CCNL2: variants seen among roughly 807,000 people sequenced by gnomAD.
CCNL2 encodes cyclin-L2.
A neutral mutation model predicts 59.1 loss-of-function variants in CCNL2; 28 were observed. That is an observed-to-expected ratio of 0.47 (90% CI 0.35 to 0.65). CCNL2 has a LOEUF of 0.65. CCNL2 is among the 30% of genes least tolerant of loss of function. The pLI is 0.00. For synonymous variants in CCNL2, 342 were observed against 288.6 expected, an observed-to-expected ratio of 1.19 and a Z score of -1.88; for missense variants, 714 against 717.4, an observed-to-expected ratio of 1.00 and a Z score of 0.05.
In CCNL2 at chr1:1,399,330, G is replaced by C. The variant is rs1287749356; in HGVS notation, c.-24C>G. 2.1e-6 allele frequency: 3 copies of C among 1,431,062 alleles called. No individual in the cohort carries two copies. In the Admixed American group the frequency reaches 9.1e-5, roughly 43 times the overall value. The allele number at this position is 1,431,062 out of a possible 1,614,324, so 88.6% of individuals were successfully genotyped here. On this transcript the variant is annotated 5_prime_UTR_variant, in exon 1 of 11. Transcript: ENST00000400809. Reference sequence around the variant, plus strand: ...ATTTTGTGCCGCCGACTCCCCTTCGGCTTCTTCCCTCAGGGCGGCTCCTCG... The same window carrying C: ...ATTTTGTGCCGCCGACTCCCCTTCGCCTTCTTCCCTCAGGGCGGCTCCTCG...
At chr1:1,392,982 T>C in intron 5 of CCNL2, 1 of 668,036 alleles carries the variant, frequency 1.5e-6, no homozygotes. Context: ...GGTTCCTTTC[T>C]AGCACATGCA....
intron 5 of CCNL2, chr1:1,393,160 AG>A (rs1644839838): frequency 3.4e-6 from 2 of 587,398 alleles, no homozygotes; most frequent in Non-Finnish European, 6.1e-6. Flanking sequence ...TGCTCTCTTC[AG>A]GGTGGGGGAC....
intron 8 of CCNL2, chr1:1,388,583 C>A (rs113604022): frequency 0.15 from 31,544 of 206,438 alleles, 1,041 homozygotes; most frequent in Admixed American, 0.23. Context: ...CTCTCTCTCT[C>A]TATATATATA....
In CCNL2 at chr1:1,399,091, G is replaced by A. The variant is rs141133034; in HGVS notation, c.216C>T (p.Asp72=). 87 of 1,611,672 alleles carry A rather than the reference G, an allele frequency of 5.4e-5. No homozygotes were observed. The highest frequency in any genetic ancestry group is 6.4e-5 in the Non-Finnish European group (76 of 1,179,422). ...CCACCACGCGGAGGTCGGTCTCTGT[G>A]TCGGTGTCGAGGCCGCTCGACATGG... ...TPSMSSGLDT[D]TETDLRVVGC... Residue 72 remains aspartate (D), a synonymous_variant, in exon 1 of 11, where the codon GAC becomes GAT. Transcript: ENST00000400809.
rs1569869127 is a variant in CCNL2 at position 1,387,120 on chromosome 1, T to C, written c.*111A>G. On this transcript the variant is annotated 3_prime_UTR_variant, in exon 11 of 11. Coordinates refer to ENST00000400809, the MANE Select transcript of CCNL2 (RefSeq NM_030937.6). The stretch of plus-strand genomic sequence containing the variant: ...AAAAAGAATCCTGTTCTAGGACCAC[T>C]TGCGCTGAGAGCACACCCGGGGGTC... 1.5e-5 allele frequency: 12 copies of C among 799,938 alleles called. No homozygotes were observed. Among genetic ancestry groups the C allele is most frequent in the Admixed American group, 2.5e-5 (1 of 40,630 alleles). The allele number at this position is 799,938 out of a possible 1,614,324, so 49.6% of individuals were successfully genotyped here.
Position 1,387,849 on chromosome 1 carries a change from C to A in CCNL2, c.1139G>T (p.Ser380Ile), listed in dbSNP as rs1644540825. The A allele has an allele frequency of 6.2e-7, 1 of 1,613,688 alleles. No individual in the cohort carries two copies. Among genetic ancestry groups the A allele is most frequent in the East Asian group, 2.2e-5 (1 of 44,898 alleles). Residue 380 changes from serine (S) to isoleucine (I), a missense_variant, in exon 10 of 11, where the codon AGT becomes ATT. This residue lies in a region of CCNL2 where 403 missense variants were observed against 377.7 expected (regional missense o/e 1.07). Coordinates refer to ENST00000400809, the MANE Select transcript of CCNL2 (RefSeq NM_030937.6). ...CTCACGGCTCCGGCTCCGACTCCGA[C>A]TCTCTCGCCCCTTTGGCAAGCTGTG... ...PVNGLPKGRE[S>I]RSRSRSREQS...
At chr1:1,397,419 C>T (rs899064703) in intron 3 of CCNL2, among the ~76,000 whole-genome samples, 3 of 152,148 alleles carry the variant, frequency 2.0e-5, no homozygotes, top group African/African-American at 7.2e-5. Flanking sequence ...TTCAGTCTCC[C>T]AAGTGCTGAG....
chr1:1,398,106 C>T (rs1165861431), intron 3 of CCNL2, 127 bp downstream of exon 3: 1 of 853,818 alleles, frequency 1.2e-6, no homozygotes, highest in Non-Finnish European at 1.8e-6. Context: ...CTTGAGACTG[C>T]GCTCATGAAT....
At chr1:1,396,989 C>T (rs2100350323) in intron 3 of CCNL2, among the ~76,000 whole-genome samples, 1 of 152,220 alleles carries the variant, frequency 6.6e-6, no homozygotes, top group African/African-American at 2.4e-5. Flanking sequence ...CCTCGTGATC[C>T]ACCCGCCTCG....
chr1:1,394,841 G>A (rs1644932730), intron 4 of CCNL2, among the ~76,000 whole-genome samples: 1 of 150,544 alleles, frequency 6.6e-6, no homozygotes, highest in East Asian at 2.0e-4. Context: ...GGAGGATCAC[G>A]AGGGCAAGAG....
chr1:1,394,333 C>T (rs998546169), intron 4 of CCNL2, among the ~76,000 whole-genome samples: 3 of 152,136 alleles, frequency 2.0e-5, no homozygotes, highest in Non-Finnish European at 2.9e-5. Context: ...GACCGTGTCA[C>T]GGCCATGGTC....
intron 2 of CCNL2, 67 bp from the exon 3 acceptor site, chr1:1,398,409 G>A (rs1645169167): frequency 2.5e-6 from 4 of 1,608,730 alleles, no homozygotes; most frequent in African/African-American, 1.3e-5. Flanking sequence ...GGCCGCCAAA[G>A]GCTTGAGGGC....
Position 1,399,013 on chromosome 1 carries a change from C to A in CCNL2, c.288+6G>T. 1 of 1,592,558 alleles carries A rather than the reference C, an allele frequency of 6.3e-7. No individual in the cohort carries two copies. The highest frequency in any genetic ancestry group is 8.5e-7 in the Non-Finnish European group (1 of 1,171,832). On this transcript the variant is annotated splice_donor_region_variant and intron_variant, in intron 1 of 10. Transcript: ENST00000400809. ...CTGGGCCGGAGGCTCGCGGCCGCGC[C>A]CTCACCTGCGGCAGGCGGAGCAGGA...
intron 1 of CCNL2, 171 bp from the exon 2 acceptor site, chr1:1,398,842 C>T: frequency 1.6e-6 from 2 of 1,243,412 alleles, no homozygotes; most frequent in Non-Finnish European, 2.1e-6. Context: ...CACTGGCGGG[C>T]GGGGAGGCCC....
At chr1:1,388,159 A>C in intron 8 of CCNL2, 94 bp from the exon 9 acceptor site, 3 of 953,530 alleles carry the variant, frequency 3.1e-6, no homozygotes, top group Non-Finnish European at 4.9e-6. Context: ...TCTACAGGTC[A>C]AACAGCGACG....
rs1644463263 is a variant in CCNL2 at position 1,386,549 on chromosome 1, C to G, written c.*682G>C. The G allele has an allele frequency of 6.6e-6, 1 of 152,604 alleles. No homozygotes were observed. The highest frequency in any genetic ancestry group is 1.5e-5 in the Non-Finnish European group (1 of 68,032). 9.5% of individuals were successfully genotyped at this position (152,604 alleles called of 1,614,324 possible). On this transcript the variant is annotated 3_prime_UTR_variant, in exon 11 of 11. Transcript: ENST00000400809. ...CCATGTCATACGCGCATATAGGGAA[C>G]CTCTATTTAGGAGCTGGTGGCCTGC...
rs1443703563 is a variant in CCNL2, at chr1:1,387,213, A to C, written c.*18T>G. On this transcript the variant is annotated 3_prime_UTR_variant, in exon 11 of 11. Coordinates refer to ENST00000400809, the MANE Select transcript of CCNL2 (RefSeq NM_030937.6). ...CCCCAGGGAAGGGCTTGCGGCCACC[A>C]GTCACTGCAACCCCGCCTCACCTCC... 5.7e-6 allele frequency: 9 copies of C among 1,584,450 alleles called. No homozygotes were observed. In the African/African-American group the frequency reaches 1.2e-4, roughly 21 times the overall value.
At chr1:1,396,190 G>GA (rs1285948344) in intron 3 of CCNL2, among the ~76,000 whole-genome samples, 1,383 of 62,616 alleles carry the variant, frequency 0.022, 16 homozygotes, top group Non-Finnish European at 0.031. Flanking sequence ...GTCCGTCTCA[G>GA]AAAAAAAAAA....
At chr1:1,398,771 C>T in intron 1 of CCNL2, 100 bp from the exon 2 acceptor site, 3 of 1,270,278 alleles carry the variant, frequency 2.4e-6, no homozygotes, top group Non-Finnish European at 3.4e-6. Context: ...CAGAACCAAA[C>T]ACTGAAACGC....
Sources: allele counts gnomAD v4.1 joint callset (sites outside exome capture counted in the v4.1 genomes callset), GRCh38; gene constraint gnomAD v4.1.1; regional missense constraint gnomAD v4.1.1; transcripts MANE v1.5; gene names NCBI Gene and HGNC (gene_info 2026-07-23, HGNC 2026-07-21).